OTOGL: variants seen among roughly 807,000 people sequenced by gnomAD.
OTOGL encodes otogelin like.
OTOGL carries 285 observed loss-of-function variants against 318.5 expected under a neutral mutation model. The observed-to-expected ratio is 0.89, with a 90% CI of 0.81 to 0.99. The LOEUF is 0.99. OTOGL is among the 50% of genes least tolerant of loss of function. The probability of loss-of-function intolerance (pLI) is 0.00; values close to 1 mark genes in which losing one functional copy is unlikely to be tolerated. For missense variants in OTOGL, 2,899 were observed against 2,845.6 expected (o/e 1.02, Z -0.43); for synonymous variants, 987 against 936.5 (o/e 1.05, Z -0.99).
chr12:80,149,051 G>A (rs549161385), intron 1 of OTOGL, among the ~76,000 whole-genome samples: 28 of 152,174 alleles, frequency 1.8e-4, no homozygotes, highest in Non-Finnish European at 4.0e-4. Flanking sequence ...TCTTCTCTCA[G>A]CTCGTCAAAG....
chr12:80,337,138 A>G (rs1017903495), intron 42 of OTOGL, 134 bp downstream of exon 42: 19 of 677,990 alleles, frequency 2.8e-5, no homozygotes, highest in Non-Finnish European at 3.2e-5. Context: ...TTTCATAGAC[A>G]ATATAAAATG....
chr12:80,106,259 C>A (rs1387044311), intron 1 of OTOGL, among the ~76,000 whole-genome samples: 1 of 152,128 alleles, frequency 6.6e-6, no homozygotes, highest in South Asian at 2.1e-4. Context: ...TTTTTTCCTG[C>A]CTTCATTTGG....
At chr12:80,249,396 A>C (rs1881253110) in intron 11 of OTOGL, among the ~76,000 whole-genome samples, 1 of 151,258 alleles carries the variant, frequency 6.6e-6, no homozygotes, top group Admixed American at 6.6e-5. Context: ...CAGGACCCTC[A>C]GCTGAAGGTC....
rs543105827 is a variant in OTOGL at position 80,220,648 on chromosome 12, T to G, written c.334+736T>G. 8.0e-5 allele frequency among the ~76,000 whole-genome samples: 10 copies of G among 124,832 alleles called. No homozygotes were observed. The East Asian group carries it at 1.8e-3, about 22-fold the overall frequency. The allele number at this position is 124,832 out of a possible 152,430, so 81.9% of individuals were successfully genotyped here. A position where few individuals can be genotyped will look rare whatever the true frequency, so the allele number is the denominator to read the frequency against. On this transcript the variant is annotated intron_variant, in intron 6 of 58. Transcript: ENST00000547103. ...TTTTTTAAATCTTTTATCCACAGTG[T>G]CTAAGATAGGATTCTATGTCAATAA...
chr12:80,105,424 C>G (rs1043346236), intron 1 of OTOGL, among the ~76,000 whole-genome samples: 1 of 152,124 alleles, frequency 6.6e-6, no homozygotes, highest in Non-Finnish European at 1.5e-5. Context: ...TTTCTCATAT[C>G]CTAGCTACAT....
intron 9 of OTOGL, among the ~76,000 whole-genome samples, chr12:80,233,451 G>T (rs924482950): frequency 2.6e-5 from 4 of 152,230 alleles, no homozygotes; most frequent in African/African-American, 9.6e-5. Flanking sequence ...ATATTCTAGT[G>T]GTTCAAACCC....
intron 1 of OTOGL, among the ~76,000 whole-genome samples, chr12:80,148,167 G>A (rs1378715566): frequency 1.3e-5 from 2 of 151,390 alleles, no homozygotes; most frequent in Admixed American, 6.6e-5. Flanking sequence ...TTTACATTTT[G>A]GCATGATTTT....
In OTOGL at chr12:80,337,429, G is replaced by A. The variant is rs549720601; in HGVS notation, c.4860+425G>A. 9.9e-5 allele frequency among the ~76,000 whole-genome samples: 15 copies of A among 152,106 alleles called. No homozygotes were observed. In the South Asian group the frequency reaches 3.1e-3, roughly 32 times the overall value. On this transcript the variant is annotated intron_variant, in intron 42 of 58. Transcript: ENST00000547103. ...CAGATAGAAGGAGTGGGTTTGAAGT[G>A]TTGACATAATTAAGTTTTTGGTGAA...
At chr12:80,213,812 T>G (rs1423257175) in intron 4 of OTOGL, among the ~76,000 whole-genome samples, 1 of 152,198 alleles carries the variant, frequency 6.6e-6, no homozygotes, top group Non-Finnish European at 1.5e-5. Flanking sequence ...GGCAATGAGG[T>G]CATAATCTTG....
chr12:80,350,025 C>T (rs1158064379), intron 44 of OTOGL, among the ~76,000 whole-genome samples: 1 of 152,078 alleles, frequency 6.6e-6, no homozygotes, highest in Non-Finnish European at 1.5e-5. Flanking sequence ...GGACTTCTGC[C>T]CATCAAACTG....
intron 26 of OTOGL, among the ~76,000 whole-genome samples, chr12:80,282,827 C>T (rs1884333137): frequency 6.6e-6 from 1 of 151,800 alleles, no homozygotes; most frequent in Non-Finnish European, 1.5e-5. Flanking sequence ...TACCTCCACC[C>T]TTGACTTTCT....
intron 1 of OTOGL, among the ~76,000 whole-genome samples, chr12:80,151,677 G>A (rs1446467918): frequency 6.6e-6 from 1 of 152,146 alleles, no homozygotes; most frequent in Non-Finnish European, 1.5e-5. Flanking sequence ...TAGACACCTT[G>A]TGGCTTGTAA....
chr12:80,294,653 C>T (rs1885263174), intron 26 of OTOGL, among the ~76,000 whole-genome samples: 2 of 152,058 alleles, frequency 1.3e-5, no homozygotes, highest in African/African-American at 2.4e-5. Flanking sequence ...CCATCTATAC[C>T]ATTCATTAAA....
At chr12:80,180,821 G>A (rs1874869261) in intron 1 of OTOGL, among the ~76,000 whole-genome samples, 1 of 152,136 alleles carries the variant, frequency 6.6e-6, no homozygotes, top group Non-Finnish European at 1.5e-5. Flanking sequence ...CCATGAGCTT[G>A]TATAAGGTTA....
chr12:80,129,037 AC>A (rs1285760612), intron 1 of OTOGL, among the ~76,000 whole-genome samples: 1 of 152,064 alleles, frequency 6.6e-6, no homozygotes, highest in East Asian at 1.9e-4. Context: ...GGTGCACTGC[AC>A]CCACTGTCCT....
Position 80,358,669 on chromosome 12 carries a change from A to G in OTOGL, c.6122-2A>G, listed in dbSNP as rs762602157. On this transcript the variant is annotated splice_acceptor_variant, in intron 50 of 58. Coordinates refer to ENST00000547103, the MANE Select transcript of OTOGL (RefSeq NM_001378609.3). LOFTEE classifies it high-confidence loss of function. ...CTTTACCCATGTAATTTTTCTTTTTAGTATGTGAACCAAACCTTTGTCCTA... is the reference window on the plus strand; with the variant it reads ...CTTTACCCATGTAATTTTTCTTTTTGGTATGTGAACCAAACCTTTGTCCTA... The G allele has an allele frequency of 5.6e-6, 9 of 1,599,784 alleles. No individual in the cohort carries two copies. The highest frequency in any genetic ancestry group is 7.7e-6 in the Non-Finnish European group (9 of 1,171,360).
chr12:80,218,648 C>A (rs567339707), intron 5 of OTOGL, among the ~76,000 whole-genome samples: 1 of 152,068 alleles, frequency 6.6e-6, no homozygotes, highest in African/African-American at 2.4e-5. Context: ...CTCACAGTTA[C>A]TTGCTTTCTC....
Position 80,367,542 on chromosome 12 carries a change from C to T in OTOGL, c.6332-19C>T. On this transcript the variant is annotated intron_variant, in intron 53 of 58. Transcript: ENST00000547103. ...ACTCAACAGTATATTTTCTTATTGA[C>T]TATGTTTTCTGTTCTTAGAAAAGGA... The T allele has an allele frequency of 6.9e-7, 1 of 1,455,300 alleles. No individual in the cohort carries two copies. Among genetic ancestry groups the T allele is most frequent in the African/African-American group, 1.4e-5 (1 of 69,054 alleles). The allele number at this position is 1,455,300 out of a possible 1,614,324, so 90.1% of individuals were successfully genotyped here.
At chr12:80,334,530 A>T (rs1888275782) in intron 38 of OTOGL, among the ~76,000 whole-genome samples, 1 of 152,100 alleles carries the variant, frequency 6.6e-6, no homozygotes, top group Admixed American at 6.6e-5. Flanking sequence ...TAGTAAAGGG[A>T]GTGAGTACAG....
Sources: allele counts gnomAD v4.1 joint callset (sites outside exome capture counted in the v4.1 genomes callset), GRCh38; gene constraint gnomAD v4.1.1; transcripts MANE v1.5; gene names NCBI Gene and HGNC (gene_info 2026-07-23, HGNC 2026-07-21).